BCOR: variants seen among roughly 807,000 people sequenced by gnomAD.
BCOR encodes the protein BCL-6 corepressor.
A neutral mutation model predicts 86.7 loss-of-function variants in BCOR; 10 were observed. The observed-to-expected ratio is 0.12, with a 90% confidence interval of 0.07 to 0.20. BCOR has a LOEUF of 0.20. Among genes scored for constraint, BCOR ranks in the 10% least tolerant of loss-of-function variants. BCOR has a pLI of 1.00. For missense variants in BCOR, 1,259 were observed against 1,452.1 expected, an observed-to-expected ratio of 0.87 and a Z score of 2.16; for synonymous variants, 611 against 609.0, an observed-to-expected ratio of 1.00 and a Z score of -0.05.
intron 1 of BCOR, among the ~76,000 whole-genome samples, chrX:40,082,811 C>A (rs1936164310): frequency 9.0e-6 from 1 of 111,716 alleles, no homozygotes; most frequent in Admixed American, 9.4e-5. Flanking sequence ...CACGTTTAAC[C>A]CCGCTAAATA....
chrX:40,176,415 C>T (rs1938754631), intron 1 of BCOR, among the ~76,000 whole-genome samples: 1 of 112,731 alleles, frequency 8.9e-6, no homozygotes. Context: ...TAATGGGGCG[C>T]CCCTGGGACG....
At chrX:40,075,213 A>C in intron 3 of BCOR, 33 bp from the exon 4 acceptor site, 15 of 1,159,982 alleles carry the variant, frequency 1.3e-5, no homozygotes, top group Non-Finnish European at 1.7e-5. Context: ...TGTTACTGGG[A>C]TACTCCTTCA....
chrX:40,139,495 A>T (rs1400766137), intron 1 of BCOR, among the ~76,000 whole-genome samples: 224 of 5,581 alleles, frequency 0.04, 41 homozygotes, highest in African/African-American at 0.1. Flanking sequence ...ATATATATAT[A>T]TATTTTTTTT....
intron 1 of BCOR, among the ~76,000 whole-genome samples, chrX:40,176,682 C>G (rs745319480): frequency 9.0e-6 from 1 of 111,306 alleles, no homozygotes; most frequent in South Asian, 3.8e-4. Context: ...AACTCGCGCT[C>G]CTCCCTCGCT....
chrX:40,062,348 A>T lies in BCOR; in HGVS notation c.4219T>A (p.Tyr1407Asn), dbSNP rs1389000842. 1 of 1,207,245 alleles carries T rather than the reference A, an allele frequency of 8.3e-7. No individual in the cohort carries two copies. Among genetic ancestry groups the T allele is most frequent in the Admixed American group, 2.2e-5 (1 of 45,607 alleles). Reference protein sequence around the residue: ...FRKRPEPSSDYDLSPAKQEPK... With the variant: ...FRKRPEPSSDNDLSPAKQEPK... ...TCCTGCTTGGCTGGTGACAGATCAT[A>T]GTCCGAACTGGGCTCCGGCCGCTTT... Residue 1407 changes from tyrosine (Y) to asparagine (N), a missense_variant, in exon 10 of 15, where the codon TAT becomes AAT. Coordinates refer to ENST00000378444, the MANE Select transcript of BCOR (RefSeq NM_001123385.2).
intron 1 of BCOR, among the ~76,000 whole-genome samples, chrX:40,164,812 C>G (rs1395194433): frequency 8.9e-6 from 1 of 112,596 alleles, no homozygotes; most frequent in Non-Finnish European, 1.9e-5. Context: ...CCCTACAAAT[C>G]CCACACCTTT....
chrX:40,137,932 G>A (rs1937719261), intron 1 of BCOR, among the ~76,000 whole-genome samples: 1 of 111,398 alleles, frequency 9.0e-6, no homozygotes, highest in East Asian at 2.8e-4. Context: ...GAAGTGGACG[G>A]GGGGCGACTT....
At chrX:40,058,653 C>T (rs1304851778) in intron 10 of BCOR, among the ~76,000 whole-genome samples, 2 of 111,940 alleles carry the variant, frequency 1.8e-5, no homozygotes, top group African/African-American at 6.5e-5. Flanking sequence ...TAAGGCTGCA[C>T]GCTGGTAACC....
At position 40,132,526 on chromosome X, in the gene BCOR, G is replaced by A. The variant is rs771400304; in HGVS notation, c.-41+44481C>T. On this transcript the variant is annotated intron_variant, in intron 1 of 14. Transcript: ENST00000342274. The stretch of plus-strand genomic sequence containing the variant: ...ACTCCTAGGCTCAATTGACCTACCC[G>A]CTTCGGCCTCCCAAAGTGCTGGGAT... Among the ~76,000 whole-genome samples the A allele has an allele frequency of 7.2e-5, 8 of 111,443 alleles. No homozygotes were observed. The South Asian group carries it at 1.1e-3, about 16-fold the overall frequency.
rs144536937 is a variant in BCOR, at chrX:40,084,838, G to A, written c.-40-6869C>T. Among the ~76,000 whole-genome samples, 8 of 112,048 alleles carry A rather than the reference G, an allele frequency of 7.1e-5. No homozygotes were observed. The East Asian group carries it at 2.2e-3, about 31-fold the overall frequency. ...AAGATGTGTAAAATGCAGGGGTCCT[G>A]CAATCTGCAAGCGAGTCTCTCACTG... On this transcript the variant is annotated intron_variant, in intron 1 of 14. Coordinates refer to ENST00000378444, the MANE Select transcript of BCOR (RefSeq NM_001123385.2).
upstream of BCOR, among the ~76,000 whole-genome samples, chrX:40,101,120 T>TC (rs1382995077): frequency 9.1e-6 from 1 of 110,147 alleles, no homozygotes; most frequent in Non-Finnish European, 1.9e-5. Flanking sequence ...CCCGGTTAGT[T>TC]CCAATTGTTC....
In BCOR at chrX:40,097,731, AGTGT is replaced by A. The variant is rs1291615159; in HGVS notation, c.-561_-558del. On this transcript the variant is annotated 5_prime_UTR_variant, in exon 1 of 15. Transcript: ENST00000378444. ...CGCCCGCTCGGGCTGGGTGTGTGTG[AGTGT>A]GTGTGAGTGTTGGCCAAGTCGTCCC... Among the ~76,000 whole-genome samples, 1 of 108,163 alleles carries A rather than the reference AGTGT, an allele frequency of 9.2e-6. No homozygotes were observed. The highest frequency in any genetic ancestry group is 3.0e-4 in the East Asian group (1 of 3,314). 93.9% of individuals were successfully genotyped at this position (108,163 alleles called of 115,157 possible). A position where few individuals can be genotyped will look rare whatever the true frequency, so the allele number is the denominator to read the frequency against.
Position 40,074,197 on chromosome X carries a change from G to A in BCOR, c.1149C>T (p.Phe383=), listed in dbSNP as rs1935654499. The change falls in exon 4 of 15, where the codon TTC becomes TTT. Residue 383 remains phenylalanine, a synonymous_variant. Coordinates refer to ENST00000378444, the MANE Select transcript of BCOR (RefSeq NM_001123385.2). ...TGCCATTGGAGAGCCTGGCCGCGGG[G>A]AACTCGCTGCTAACTGTCATGTATG... ...SKPYMTVSSE[F]PAARLSNGKY... is the part of the protein sequence containing the mutation. 1 of 1,212,300 alleles carries A rather than the reference G, an allele frequency of 8.2e-7. No individual in the cohort carries two copies. Among genetic ancestry groups the A allele is most frequent in the Non-Finnish European group, 1.1e-6 (1 of 895,613 alleles).
At position 40,073,786 on chromosome X, in the gene BCOR, G is replaced by A. The variant is rs1265970164; in HGVS notation, c.1560C>T (p.Asn520=). ...VVPGPSPNEE[N]NGKSMSLKNK... ...TTTTCAGCGACATGCTTTTGCCATT[G>A]TTCTCTTCGTTAGGACTTGGCCCGG... is the stretch of plus-strand genomic sequence containing the variant. Residue 520 remains asparagine (N), a synonymous_variant, in exon 4 of 15, where the codon AAC becomes AAT. Transcript: ENST00000378444. The A allele has an allele frequency of 1.7e-6, 2 of 1,211,697 alleles. No individual in the cohort carries two copies. Among genetic ancestry groups the A allele is most frequent in the East Asian group, 5.9e-5 (2 of 33,828 alleles).
intron 2 of BCOR, 193 bp downstream of exon 2, chrX:40,077,651 C>A: frequency 2.3e-6 from 1 of 444,160 alleles, no homozygotes; most frequent in Non-Finnish European, 3.9e-6. Flanking sequence ...GCTTTAGGGG[C>A]TAATCTTTTA....
intron 1 of BCOR, among the ~76,000 whole-genome samples, chrX:40,131,587 C>T (rs191339469): frequency 8.9e-6 from 1 of 111,990 alleles, no homozygotes; most frequent in East Asian, 2.8e-4. Context: ...GCAGAGGTTG[C>T]AGTGAGCCAA....
At chrX:40,069,012 C>G (rs1413867947) in intron 6 of BCOR, among the ~76,000 whole-genome samples, 1 of 112,649 alleles carries the variant, frequency 8.9e-6, no homozygotes, top group Non-Finnish European at 1.9e-5. Flanking sequence ...CCCCAAATCC[C>G]CACCCCAGTT....
chrX:40,140,744 C>T (rs761176161), intron 1 of BCOR, among the ~76,000 whole-genome samples: 1 of 113,181 alleles, frequency 8.8e-6, no homozygotes, highest in East Asian at 2.8e-4. Context: ...CTGTGTTCAC[C>T]ATCCACGAAG....
chrX:40,128,642 G>A (rs1308664925), intron 1 of BCOR, among the ~76,000 whole-genome samples: 2 of 112,032 alleles, frequency 1.8e-5, no homozygotes, highest in Non-Finnish European at 3.8e-5. Context: ...AAATAAAAGG[G>A]AGCAGGGACC....
Sources: gnomAD v4.1 joint callset for allele counts (sites outside exome capture counted in the v4.1 genomes callset) on GRCh38, gnomAD v4.1.1 for gene constraint, MANE v1.5 for transcripts, NCBI Gene and HGNC (gene_info 2026-07-23, HGNC 2026-07-21) for gene names.